The following PLCB4 variants were observed in gnomAD, a reference collection of about 807,000 sequenced individuals.
The protein encoded by PLCB4 is 1-phosphatidylinositol 4,5-bisphosphate phosphodiesterase beta-4.
Under a neutral mutation model 178.8 loss-of-function variants are expected in PLCB4, and 77 were observed. That is an observed-to-expected ratio of 0.43 (90% CI 0.36 to 0.52). PLCB4 has a LOEUF of 0.52. Among genes scored for constraint, PLCB4 ranks in the 20% least tolerant of loss-of-function variants. The probability of loss-of-function intolerance (pLI) is 0.00; values close to 1 mark genes in which losing one functional copy is unlikely to be tolerated. For synonymous variants in PLCB4, 496 were observed against 490.8 expected, an observed-to-expected ratio of 1.01 and a Z score of -0.14; for missense variants, 1,024 against 1,453.4, an observed-to-expected ratio of 0.70 and a Z score of 4.80.
chr20:9,478,895 G>A (rs377017010), intron 39 of PLCB4, 26 bp from the exon 40 acceptor site: 45 of 1,582,100 alleles, frequency 2.8e-5, no homozygotes, highest in African/African-American at 5.4e-5. Flanking sequence ...TTCAACACAC[G>A]TAAGGCCATG....
intron 2 of PLCB4, among the ~76,000 whole-genome samples, chr20:9,196,042 C>T (rs558009904): frequency 6.6e-6 from 1 of 152,198 alleles, no homozygotes; most frequent in South Asian, 2.1e-4. Context: ...AAAAAGCAGA[C>T]GTTACAGTTT....
At chr20:9,321,722 C>T (rs979553794) in intron 4 of PLCB4, among the ~76,000 whole-genome samples, 1 of 152,028 alleles carries the variant, frequency 6.6e-6, no homozygotes, top group Admixed American at 6.6e-5. Context: ...AAACCTCTGC[C>T]CCCCAAGTTC....
rs956250791 is a variant in PLCB4, at chr20:9,426,661, G to A, written c.2524+2709G>A. On this transcript the variant is annotated intron_variant, in intron 28 of 39. Coordinates refer to ENST00000378473, the MANE Select transcript of PLCB4 (RefSeq NM_001377142.1). Reference sequence around the variant, plus strand: ...CAAAGTGCTGGGATTACAGACGTGAGCCACTGTGCCTGGCCTTTTCTGTTT... The same window carrying A: ...CAAAGTGCTGGGATTACAGACGTGAACCACTGTGCCTGGCCTTTTCTGTTT... Among the ~76,000 whole-genome samples the A allele has an allele frequency of 2.0e-5, 3 of 152,086 alleles. 1 individual carries two copies. The highest frequency in any genetic ancestry group is 4.1e-4 in the South Asian group (2 of 4,824).
At chr20:9,448,750 C>A (rs1466013577) in intron 32 of PLCB4, among the ~76,000 whole-genome samples, 1 of 151,594 alleles carries the variant, frequency 6.6e-6, no homozygotes, top group African/African-American at 2.4e-5. Context: ...ATAAATAATT[C>A]TACTTTTTAG....
chr20:9,271,870 A>T (rs1017838509), intron 3 of PLCB4, among the ~76,000 whole-genome samples: 2 of 151,912 alleles, frequency 1.3e-5, no homozygotes, highest in African/African-American at 4.8e-5. Flanking sequence ...ATGTGATTTG[A>T]CCTTTGATTA....
chr20:9,405,805 A>G (rs919196100), intron 21 of PLCB4, among the ~76,000 whole-genome samples: 1 of 152,186 alleles, frequency 6.6e-6, no homozygotes, highest in Non-Finnish European at 1.5e-5. Context: ...AAAGTTCTTC[A>G]AGTGATCACA....
intron 36 of PLCB4, among the ~76,000 whole-genome samples, chr20:9,470,508 A>G (rs1260504825): frequency 6.6e-6 from 1 of 152,212 alleles, no homozygotes; most frequent in Admixed American, 6.5e-5. Flanking sequence ...AAAGTGAAAT[A>G]TAGAATTAAC....
At chr20:9,327,452 C>T (rs539901693) in intron 4 of PLCB4, among the ~76,000 whole-genome samples, 15 of 150,364 alleles carry the variant, frequency 1.0e-4, no homozygotes, top group African/African-American at 2.9e-4. Flanking sequence ...CACTCCAGCC[C>T]GGATGACAGC....
At chr20:9,275,751 T>C (rs1402023445) in intron 3 of PLCB4, among the ~76,000 whole-genome samples, 1 of 152,090 alleles carries the variant, frequency 6.6e-6, no homozygotes, top group Non-Finnish European at 1.5e-5. Flanking sequence ...TAGCTGCTTG[T>C]TTTTGGAGTG....
rs2042884947 is a variant in PLCB4, at chr20:9,453,390, A to G, written c.2924A>G (p.Lys975Arg). 3.1e-6 allele frequency: 5 copies of G among 1,613,356 alleles called. No individual in the cohort carries two copies. Among genetic ancestry groups the G allele is most frequent in the Non-Finnish European group, 4.2e-6 (5 of 1,179,586 alleles). The change falls in exon 33 of 40, where the codon AAA becomes AGA. Residue 975 changes from lysine to arginine, a missense_variant. Coordinates refer to ENST00000378473, the MANE Select transcript of PLCB4 (RefSeq NM_001377142.1). ...AAGTTACACTGCACGCAAGTTGACA[A>G]AATTGTGGCACAGTATGACAAAGAG... is the stretch of plus-strand genomic sequence containing the variant. ...MQKLHCTQVD[K>R]IVAQYDKEKS... is the part of the protein sequence containing the mutation.
intron 4 of PLCB4, among the ~76,000 whole-genome samples, chr20:9,331,046 T>C (rs896704506): frequency 4.6e-5 from 7 of 152,130 alleles, no homozygotes; most frequent in African/African-American, 1.4e-4. Flanking sequence ...AAAAGTGAAA[T>C]ATGGCAAGGT....
intron 2 of PLCB4, among the ~76,000 whole-genome samples, chr20:9,110,892 A>ACAACC (rs1473626617): frequency 2.6e-5 from 4 of 152,202 alleles, no homozygotes; most frequent in Non-Finnish European, 5.9e-5. Flanking sequence ...CCAAAATCCT[A>ACAACC]CAACCCACAA....
rs114666960 is a variant in PLCB4, at chr20:9,174,307, T to A, written c.-78-43083T>A. Among the ~76,000 whole-genome samples the A allele has an allele frequency of 5.1e-3, 779 of 152,080 alleles. 7 individuals carry two copies. Among genetic ancestry groups the A allele is most frequent in the African/African-American group, 0.016 (670 of 41,500 alleles). Reference sequence around the variant, plus strand: ...GCACGTAACCATGCCTAGCTAATTTTTTTTTTATTTTTTATTTTTGTACAG... The same window carrying A: ...GCACGTAACCATGCCTAGCTAATTTATTTTTTATTTTTTATTTTTGTACAG... On this transcript the variant is annotated intron_variant, in intron 2 of 39. Coordinates refer to ENST00000378473, the MANE Select transcript of PLCB4 (RefSeq NM_001377142.1).
At chr20:9,282,947 G>A (rs968328824) in intron 3 of PLCB4, among the ~76,000 whole-genome samples, 7 of 152,108 alleles carry the variant, frequency 4.6e-5, no homozygotes, top group South Asian at 4.1e-4. Context: ...CAATGTACAA[G>A]TACTTTTCAT....
chr20:9,341,767 A>G (rs2033230969), intron 7 of PLCB4, among the ~76,000 whole-genome samples: 4 of 152,094 alleles, frequency 2.6e-5, no homozygotes, highest in African/African-American at 9.7e-5. Context: ...GGGGGGATGT[A>G]TACTTCAAGG....
chr20:9,195,272 T>C lies in PLCB4; in HGVS notation c.-78-22118T>C, dbSNP rs766074067. 9.8e-5 allele frequency among the ~76,000 whole-genome samples: 15 copies of C among 152,318 alleles called. No individual in the cohort carries two copies. The South Asian group carries it at 1.7e-3, about 17-fold the overall frequency. ...GGTGTTAAAATGTAGATTCTGCACG[T>C]CCAACAAGCATCCAGATGATGCAGA... On this transcript the variant is annotated intron_variant, in intron 2 of 39. Transcript: ENST00000378473.
intron 7 of PLCB4, among the ~76,000 whole-genome samples, chr20:9,343,021 G>C (rs1467788297): frequency 6.6e-6 from 1 of 152,158 alleles, no homozygotes; most frequent in Non-Finnish European, 1.5e-5. Flanking sequence ...GAGTAAAAGA[G>C]TACAAAATAT....
chr20:9,280,880 G>A (rs896776905), intron 3 of PLCB4, among the ~76,000 whole-genome samples: 2 of 149,048 alleles, frequency 1.3e-5, no homozygotes, highest in African/African-American at 5.0e-5. Flanking sequence ...AGGCATATTT[G>A]TATTATAGTT....
intron 4 of PLCB4, among the ~76,000 whole-genome samples, chr20:9,334,386 T>A (rs2032143674): frequency 6.6e-6 from 1 of 152,146 alleles, no homozygotes; most frequent in East Asian, 1.9e-4. Context: ...CAGTGAATAT[T>A]TCTAAGATAT....
Sources: allele counts gnomAD v4.1 joint callset (sites outside exome capture counted in the v4.1 genomes callset), GRCh38; gene constraint gnomAD v4.1.1; transcripts MANE v1.5; gene names NCBI Gene and HGNC (gene_info 2026-07-23, HGNC 2026-07-21).